The following CKMT2 variants were observed in gnomAD, a reference collection of about 807,000 sequenced individuals.
CKMT2 encodes creatine kinase S-type, mitochondrial.
In CKMT2, 43 loss-of-function variants were observed where a neutral mutation model predicts 48.9. That is an observed-to-expected ratio of 0.88 (90% CI 0.69 to 1.13). The LOEUF (loss-of-function observed/expected upper bound fraction) is 1.13, where lower values mean the gene tolerates loss of function less well. Ranked by LOEUF, CKMT2 falls within the 50% of genes most tolerant of loss-of-function variation. CKMT2 has a pLI of 0.00. For missense variants in CKMT2, 472 were observed against 555.4 expected, an observed-to-expected ratio of 0.85 and a Z score of 1.51; for synonymous variants, 206 against 213.0, an observed-to-expected ratio of 0.97 and a Z score of 0.29.
chr5:81,244,403 A>G (rs1428165655), intron 1 of CKMT2, among the ~76,000 whole-genome samples: 1 of 152,178 alleles, frequency 6.6e-6, no homozygotes, highest in Non-Finnish European at 1.5e-5. Flanking sequence ...TGGAGGTCTT[A>G]GCCTGGTTGT....
chr5:81,248,001 C>A (rs1047984112), intron 1 of CKMT2, among the ~76,000 whole-genome samples: 2 of 152,136 alleles, frequency 1.3e-5, no homozygotes, highest in Non-Finnish European at 2.9e-5. Flanking sequence ...TTAGTTCCTT[C>A]CAGGAACTAA....
At chr5:81,255,287 G>A (rs2112810912) in intron 5 of CKMT2, 73 bp downstream of exon 5, 1 of 1,364,606 alleles carries the variant, frequency 7.3e-7, no homozygotes, top group South Asian at 1.2e-5. Flanking sequence ...GGCCTCTCCT[G>A]GTGCTCTGCT....
At chr5:81,235,606 G>A (rs2112775002) in intron 1 of CKMT2, among the ~76,000 whole-genome samples, 1 of 152,330 alleles carries the variant, frequency 6.6e-6, no homozygotes, top group South Asian at 2.1e-4. Context: ...GGCTCGGGCT[G>A]GAGGCAGTGA....
chr5:81,261,023 C>A (rs1055255014), intron 8 of CKMT2, among the ~76,000 whole-genome samples: 3 of 152,212 alleles, frequency 2.0e-5, no homozygotes, highest in Non-Finnish European at 4.4e-5. Context: ...CCACCAAAAT[C>A]AACTCAGCTT....
intron 2 of CKMT2, chr5:81,252,003 C>A (rs955641491): frequency 6.5e-6 from 1 of 153,640 alleles, no homozygotes; most frequent in Non-Finnish European, 1.4e-5. Flanking sequence ...AGACCCATGC[C>A]TCTCTCACTG....
intron 1 of CKMT2, among the ~76,000 whole-genome samples, chr5:81,248,383 G>A (rs1756682028): frequency 6.6e-6 from 1 of 152,198 alleles, no homozygotes; most frequent in Non-Finnish European, 1.5e-5. Flanking sequence ...TAAACCTCTA[G>A]AGTGACAGCA....
At chr5:81,239,402 T>G (rs1487186596) in intron 1 of CKMT2, 3 of 152,192 alleles carry the variant, frequency 2.0e-5, no homozygotes, top group Non-Finnish European at 2.9e-5. Context: ...TTTCTTTTTT[T>G]TGGCAGCATT....
chr5:81,251,031 C>T, intron 1 of CKMT2, 82 bp from the exon 2 acceptor site: 3 of 983,224 alleles, frequency 3.1e-6, no homozygotes, highest in Non-Finnish European at 4.6e-6. Context: ...ATGGCTCCTG[C>T]AGTTCTCTTG....
At chr5:81,259,444 T>G (rs1248669568) in intron 8 of CKMT2, 190 bp downstream of exon 8, 2 of 446,782 alleles carry the variant, frequency 4.5e-6, no homozygotes, top group Admixed American at 4.1e-5. Context: ...TCAGGGGCTG[T>G]AAGAAAAAGA....
chr5:81,238,460 C>T (rs925004990), intron 1 of CKMT2: 1 of 152,252 alleles, frequency 6.6e-6, no homozygotes, highest in African/African-American at 2.4e-5. Context: ...CCTGTACTTA[C>T]ATCGTCACGA....
chr5:81,243,781 C>T (rs1418747283), intron 1 of CKMT2, among the ~76,000 whole-genome samples: 1 of 151,978 alleles, frequency 6.6e-6, no homozygotes, highest in Non-Finnish European at 1.5e-5. Flanking sequence ...CCTCCGCCTC[C>T]TGGGTTCAAG....
At chr5:81,256,010 G>A (rs1037881209) in intron 5 of CKMT2, among the ~76,000 whole-genome samples, 2 of 152,108 alleles carry the variant, frequency 1.3e-5, no homozygotes, top group Admixed American at 6.5e-5. Context: ...GCAGTGGCAG[G>A]TCACAATCCT....
intron 1 of CKMT2, 129 bp from the exon 2 acceptor site, chr5:81,250,982 AAG>A (rs71876955): frequency 0.016 from 6,259 of 383,778 alleles, 1 homozygote; most frequent in Non-Finnish European, 0.019. Context: ...CACACACAGA[AAG>A]AGAGAGAGAG....
At chr5:81,239,013 T>TGGAG (rs1756344701) in intron 1 of CKMT2, 1 of 152,144 alleles carries the variant, frequency 6.6e-6, no homozygotes, top group Non-Finnish European at 1.5e-5. Flanking sequence ...GATGAGCAGA[T>TGGAG]GGATGGATAG....
Position 81,259,248 on chromosome 5 carries a change from C to G in CKMT2, c.1008C>G (p.Leu336=). The change falls in exon 8 of 10, where the codon CTC becomes CTG. Residue 336 remains leucine, a synonymous_variant. Transcript: ENST00000254035. ...GTGTCCACGTTAGGATCCCAAAGCT[C>G]AGCAAGGTACTGTTATGTGCCCAGT... ...RAGVHVRIPK[L]SKDPRFSKIL... is the part of the protein sequence containing the mutation. 1 of 1,613,742 alleles carries G rather than the reference C, an allele frequency of 6.2e-7. No individual in the cohort carries two copies. Among genetic ancestry groups the G allele is most frequent in the South Asian group, 1.1e-5 (1 of 90,976 alleles).
At chr5:81,251,056 T>A (rs1182835086) in intron 1 of CKMT2, 57 bp from the exon 2 acceptor site, 1 of 1,396,090 alleles carries the variant, frequency 7.2e-7, no homozygotes, top group Non-Finnish European at 1.0e-6. Flanking sequence ...TTGACCCCTA[T>A]GTTGTGGCTC....
At chr5:81,246,528 G>A (rs1756617119) in intron 1 of CKMT2, among the ~76,000 whole-genome samples, 1 of 152,042 alleles carries the variant, frequency 6.6e-6, no homozygotes, top group Admixed American at 6.5e-5. Context: ...CTTGTTTCTT[G>A]ACTGTCTGCC....
chr5:81,258,248 T>TTGGAG (rs973915843), intron 7 of CKMT2, among the ~76,000 whole-genome samples: 1 of 151,934 alleles, frequency 6.6e-6, no homozygotes, highest in African/African-American at 2.4e-5. Context: ...AAGGCATTTT[T>TTGGAG]TGGAGTGCAA....
At chr5:81,262,491 A>T (rs1394956197) in intron 8 of CKMT2, among the ~76,000 whole-genome samples, 2 of 152,224 alleles carry the variant, frequency 1.3e-5, no homozygotes, top group Non-Finnish European at 2.9e-5. Flanking sequence ...TTTACAAGAA[A>T]AAAACAACCC....
Sources: gnomAD v4.1 joint callset for allele counts (sites outside exome capture counted in the v4.1 genomes callset) on GRCh38, gnomAD v4.1.1 for gene constraint, MANE v1.5 for transcripts, NCBI Gene and HGNC (gene_info 2026-07-23, HGNC 2026-07-21) for gene names.